The following PPP4R1 variants were observed in gnomAD, a reference collection of about 807,000 sequenced individuals.
The protein encoded by PPP4R1 is protein phosphatase 4 regulatory subunit 1.
Under a neutral mutation model 111.2 loss-of-function variants are expected in PPP4R1, and 42 were observed. The ratio of observed to expected loss-of-function variants is 0.38; its 90% CI spans 0.29 to 0.49. The LOEUF is 0.49. Among genes scored for constraint, PPP4R1 ranks in the 20% least tolerant of loss-of-function variants. The pLI is 0.97. For synonymous variants in PPP4R1, 409 were observed against 405.5 expected, an observed-to-expected ratio of 1.01 and a Z score of -0.10; for missense variants, 1,012 against 1,161.6, an observed-to-expected ratio of 0.87 and a Z score of 1.87.
At chr18:9,559,674 G>T in intron 13 of PPP4R1, 70 bp from the exon 14 acceptor site, 1 of 1,201,848 alleles carries the variant, frequency 8.3e-7, no homozygotes, top group Non-Finnish European at 1.1e-6. Context: ...GACATAAATT[G>T]GGCAAAATTA....
chr18:9,610,007 G>T (rs1357292579), intron 2 of PPP4R1, among the ~76,000 whole-genome samples: 1 of 152,162 alleles, frequency 6.6e-6, no homozygotes, highest in South Asian at 2.1e-4. Flanking sequence ...GTGTATGAAA[G>T]GCACTGTAAA....
Position 9,563,566 on chromosome 18 carries a change from G to A in PPP4R1, c.1574-16C>T. On this transcript the variant is annotated splice_polypyrimidine_tract_variant and intron_variant, in intron 11 of 19. Coordinates refer to ENST00000400556, the MANE Select transcript of PPP4R1 (RefSeq NM_001042388.3). ...TCCACTTGTGCTACAGGCAAAATAAGGAAATGGACAAAGTGAGAAACACAA... is the reference window on the plus strand; with the variant it reads ...TCCACTTGTGCTACAGGCAAAATAAAGAAATGGACAAAGTGAGAAACACAA... The A allele has an allele frequency of 6.4e-7, 1 of 1,555,894 alleles. No individual in the cohort carries two copies. Among genetic ancestry groups the A allele is most frequent in the Non-Finnish European group, 8.8e-7 (1 of 1,142,494 alleles).
chr18:9,599,903 C>G (rs1356550306), intron 2 of PPP4R1, among the ~76,000 whole-genome samples: 2 of 152,152 alleles, frequency 1.3e-5, no homozygotes, highest in Non-Finnish European at 2.9e-5. Context: ...ATGTTCAAGA[C>G]AAGCTTGTGG....
intron 2 of PPP4R1, among the ~76,000 whole-genome samples, chr18:9,607,883 A>C (rs894895461): frequency 1.3e-5 from 2 of 151,088 alleles, no homozygotes; most frequent in Non-Finnish European, 2.9e-5. Flanking sequence ...CCCAGGTTCA[A>C]GTGATTCTCC....
intron 2 of PPP4R1, among the ~76,000 whole-genome samples, chr18:9,600,791 G>T (rs958581998): frequency 6.6e-6 from 1 of 152,062 alleles, no homozygotes; most frequent in Non-Finnish European, 1.5e-5. Flanking sequence ...TGAGGTGGGG[G>T]GATCACTTGA....
In PPP4R1 at chr18:9,559,620, A is replaced by T. The variant is rs748596750; in HGVS notation, c.1843-16T>A. 2.4e-5 allele frequency: 37 copies of T among 1,550,340 alleles called. No homozygotes were observed. In the South Asian group the frequency reaches 4.6e-4, roughly 19 times the overall value. On this transcript the variant is annotated splice_polypyrimidine_tract_variant and intron_variant, in intron 13 of 19. Transcript: ENST00000400556. ...GTACAACATCCTAATGGAGAAAGAG[A>T]AACCACAGTGACTGAGCAGCTGAGA...
intron 10 of PPP4R1, among the ~76,000 whole-genome samples, chr18:9,573,363 T>A (rs1453270469): frequency 6.6e-6 from 1 of 152,196 alleles, no homozygotes; most frequent in Non-Finnish European, 1.5e-5. Flanking sequence ...CTAAAACTTA[T>A]TCTCAAAGAG....
intron 11 of PPP4R1, among the ~76,000 whole-genome samples, chr18:9,566,883 T>C (rs899362476): frequency 6.6e-6 from 1 of 152,196 alleles, no homozygotes; most frequent in Non-Finnish European, 1.5e-5. Context: ...TTTCAAATTA[T>C]TACTGCTCAC....
At chr18:9,617,133 T>C (rs2067694956), upstream of PPP4R1, 1 of 152,200 alleles carries the variant, frequency 6.6e-6, no homozygotes, top group Non-Finnish European at 1.5e-5. Context: ...TAACCCAGCT[T>C]CACTTACAAT....
intron 6 of PPP4R1, among the ~76,000 whole-genome samples, chr18:9,585,938 T>C (rs1307005335): frequency 6.6e-6 from 1 of 152,122 alleles, no homozygotes; most frequent in Non-Finnish European, 1.5e-5. Flanking sequence ...CAAATTGATC[T>C]ACAGATTCAA....
chr18:9,592,154 T>G (rs2067221933), intron 4 of PPP4R1, among the ~76,000 whole-genome samples: 1 of 152,230 alleles, frequency 6.6e-6, no homozygotes, highest in Non-Finnish European at 1.5e-5. Context: ...CAGTTCATAC[T>G]GCTACACTAC....
intron 13 of PPP4R1, among the ~76,000 whole-genome samples, chr18:9,560,611 G>A (rs1029575656): frequency 6.6e-6 from 1 of 152,110 alleles, no homozygotes; most frequent in Non-Finnish European, 1.5e-5. Flanking sequence ...ATTAAAATGA[G>A]ATTTGAAATA....
At chr18:9,588,899 A>G in intron 4 of PPP4R1, 46 bp from the exon 5 acceptor site, 4 of 1,596,198 alleles carry the variant, frequency 2.5e-6, no homozygotes, top group Non-Finnish European at 3.4e-6. Flanking sequence ...TCCTGCAGCA[A>G]CAAAACCTTT....
chr18:9,563,333 A>G, intron 12 of PPP4R1, 45 bp downstream of exon 12: 1 of 1,521,778 alleles, frequency 6.6e-7, no homozygotes, highest in South Asian at 1.2e-5. Context: ...AAGACTTCTG[A>G]TTCAAACTAC....
chr18:9,601,957 T>C (rs1359588672), intron 2 of PPP4R1, among the ~76,000 whole-genome samples: 1 of 152,132 alleles, frequency 6.6e-6, no homozygotes, highest in African/African-American at 2.4e-5. Context: ...AGGAATCAAA[T>C]ATGTTACAAT....
chr18:9,564,960 C>T (rs1241130046), intron 11 of PPP4R1, among the ~76,000 whole-genome samples: 2 of 152,114 alleles, frequency 1.3e-5, no homozygotes, highest in South Asian at 4.1e-4. Context: ...CCTTCTGCCT[C>T]AGCCTCCTGA....
Position 9,614,518 on chromosome 18 carries a change from G to GGAGCCGGGGCTACATGGAGCGGCGC in PPP4R1, c.-59_-35dup, listed in dbSNP as rs1263453864. The GGAGCCGGGGCTACATGGAGCGGCGC allele has an allele frequency of 9.8e-7, 1 of 1,015,744 alleles. No homozygotes were observed. Among genetic ancestry groups the GGAGCCGGGGCTACATGGAGCGGCGC allele is most frequent in the Admixed American group, 6.0e-5 (1 of 16,764 alleles). The allele number at this position is 1,015,744 out of a possible 1,614,324, so 62.9% of individuals were successfully genotyped here. On this transcript the variant is annotated 5_prime_UTR_variant, in exon 1 of 20. The change creates a new upstream start codon in the 5' untranslated region. Transcript: ENST00000400556. This position sits in a 1 kb window ranked among gnomAD's most constrained non-coding sequence, Gnocchi z 4.1. ...CGCCCCCTCCTCCGCGGCCGCCCGG[G>GGAGCCGGGGCTACATGGAGCGGCGC]GAGCCGGGGCTACATGGAGCGGCGC...
intron 9 of PPP4R1, among the ~76,000 whole-genome samples, chr18:9,577,781 T>C (rs2066961573): frequency 6.6e-6 from 1 of 152,182 alleles, no homozygotes; most frequent in African/African-American, 2.4e-5. Context: ...AACATTTGCA[T>C]AGAACAAAAC....
At chr18:9,604,052 TAA>T (rs35661384) in intron 2 of PPP4R1, among the ~76,000 whole-genome samples, 1 of 152,186 alleles carries the variant, frequency 6.6e-6, no homozygotes, top group African/African-American at 2.4e-5. Flanking sequence ...TAGTCCATTT[TAA>T]AAAGTGATAC....
Sources: gnomAD v4.1 joint callset for allele counts (sites outside exome capture counted in the v4.1 genomes callset) on GRCh38, gnomAD v4.1.1 for gene constraint, Gnocchi (gnomAD v3.1) non-coding constraint, MANE v1.5 for transcripts, NCBI Gene and HGNC (gene_info 2026-07-23, HGNC 2026-07-21) for gene names.